The following MTMR3 variants were observed in gnomAD, a reference collection of about 807,000 sequenced individuals.
MTMR3 encodes phosphatidylinositol-3,5-bisphosphate 3-phosphatase MTMR3.
MTMR3 carries 32 observed loss-of-function variants against 132.4 expected under a neutral mutation model. That is an observed-to-expected ratio of 0.24 (90% CI 0.18 to 0.32). The LOEUF (loss-of-function observed/expected upper bound fraction) is 0.32. Among genes scored for constraint, MTMR3 ranks in the 10% least tolerant of loss-of-function variants. The pLI, the probability that MTMR3 is intolerant of heterozygous loss-of-function variation, is 1.00. For missense variants in MTMR3, 1,216 were observed against 1,489.6 expected (o/e 0.82, Z 3.02); for synonymous variants, 556 against 550.3 (o/e 1.01, Z -0.14).
Position 29,884,812 on chromosome 22 carries a change from C to T in MTMR3, c.-138+1453C>T, listed in dbSNP as rs10222284. On this transcript the variant is annotated intron_variant, in intron 1 of 19. Coordinates refer to ENST00000401950, the MANE Select transcript of MTMR3 (RefSeq NM_021090.4). ...CTCTTGACCTCAAGTGATCCGCTTG[C>T]GTTGGCCTTCGAAAGTGTTGGGATT... Among the ~76,000 whole-genome samples, 1,047 of 152,250 alleles carry T rather than the reference C, an allele frequency of 6.9e-3. 12 individuals are homozygous for T. Among genetic ancestry groups the T allele is most frequent in the African/African-American group, 0.023 (975 of 41,546 alleles).
intron 1 of MTMR3, among the ~76,000 whole-genome samples, chr22:29,929,993 A>C (rs2065609309): frequency 1.3e-5 from 2 of 152,166 alleles, no homozygotes; most frequent in Non-Finnish European, 2.9e-5. Flanking sequence ...GACAGCACAT[A>C]GATTGGGTTC....
chr22:29,920,030 A>G (rs1025215269), intron 1 of MTMR3, among the ~76,000 whole-genome samples: 7 of 152,042 alleles, frequency 4.6e-5, no homozygotes, highest in African/African-American at 1.2e-4. Context: ...CCTGGCCAAC[A>G]TGGTGAAACC....
intron 1 of MTMR3, among the ~76,000 whole-genome samples, chr22:29,955,671 A>T (rs947395284): frequency 6.6e-6 from 1 of 152,236 alleles, no homozygotes; most frequent in Admixed American, 6.5e-5. Flanking sequence ...TATGTTTAAA[A>T]TGGTTAAGAC....
chr22:29,898,228 A>G (rs1035950400), intron 1 of MTMR3, among the ~76,000 whole-genome samples: 2 of 152,308 alleles, frequency 1.3e-5, no homozygotes, highest in East Asian at 1.9e-4. Context: ...GTTGTTTTCA[A>G]CAAATATACA....
At chr22:29,943,465 C>T (rs571553126) in intron 1 of MTMR3, among the ~76,000 whole-genome samples, 1 of 152,168 alleles carries the variant, frequency 6.6e-6, no homozygotes, top group East Asian at 1.9e-4. Context: ...GCTGGGATTA[C>T]AGGCGTGAGC....
chr22:29,901,012 A>G (rs2145725706), intron 1 of MTMR3, among the ~76,000 whole-genome samples: 1 of 152,222 alleles, frequency 6.6e-6, no homozygotes, highest in East Asian at 1.9e-4. Context: ...TTTTTGTTAT[A>G]CTGCCTAGTT....
rs12159011 is a variant in MTMR3, at chr22:29,906,334, G to A, written c.-138+22975G>A. Among the ~76,000 whole-genome samples the A allele has an allele frequency of 3.7e-3, 448 of 119,960 alleles. 5 individuals are homozygous for A. Among genetic ancestry groups the A allele is most frequent in the African/African-American group, 0.02 (391 of 20,026 alleles). The allele number at this position is 119,960 out of a possible 152,430, so 78.7% of individuals were successfully genotyped here. Reference sequence around the variant, plus strand: ...TATCTATCTATCTATCTATCTATCTGTCTATCTATCTATCTATGACGGAGT... The same window carrying A: ...TATCTATCTATCTATCTATCTATCTATCTATCTATCTATCTATGACGGAGT... On this transcript the variant is annotated intron_variant, in intron 1 of 19. Transcript: ENST00000401950.
chr22:29,883,849 G>A (rs1442830417), intron 1 of MTMR3, among the ~76,000 whole-genome samples: 1 of 152,202 alleles, frequency 6.6e-6, no homozygotes, highest in East Asian at 1.9e-4. Flanking sequence ...CTTGTGGAAA[G>A]GAGGAGTGAC....
chr22:29,954,765 C>T (rs1167285022), intron 1 of MTMR3, among the ~76,000 whole-genome samples: 2 of 152,194 alleles, frequency 1.3e-5, no homozygotes, highest in Non-Finnish European at 2.9e-5. Context: ...TGCCCTTCGA[C>T]TTGACCTGTC....
chr22:29,938,036 T>C (rs1239507335), intron 1 of MTMR3, among the ~76,000 whole-genome samples: 2 of 152,070 alleles, frequency 1.3e-5, no homozygotes, highest in Middle Eastern at 3.4e-3. Flanking sequence ...AAAACCAGAG[T>C]GTGGGCCAAG....
chr22:29,949,508 C>A (rs1020932033), intron 1 of MTMR3, among the ~76,000 whole-genome samples: 1 of 143,496 alleles, frequency 7.0e-6, no homozygotes, highest in Non-Finnish European at 1.5e-5. Flanking sequence ...GCGCCCCCCC[C>A]CAAAAAAAAA....
intron 1 of MTMR3, among the ~76,000 whole-genome samples, chr22:29,905,393 A>T (rs2065075448): frequency 6.6e-6 from 1 of 152,188 alleles, no homozygotes; most frequent in Non-Finnish European, 1.5e-5. Flanking sequence ...TGTAAATAAA[A>T]GGGTGGTCCC....
intron 2 of MTMR3, among the ~76,000 whole-genome samples, chr22:29,967,398 A>AT (rs111456917): frequency 0.013 from 1,779 of 141,868 alleles, 18 homozygotes; most frequent in African/African-American, 0.035. Flanking sequence ...CAACCACCTA[A>AT]TTTTTTTTTT....
chr22:29,973,424 C>A (rs371954943), intron 3 of MTMR3, among the ~76,000 whole-genome samples: 3 of 152,050 alleles, frequency 2.0e-5, no homozygotes, highest in African/African-American at 7.2e-5. Flanking sequence ...GGCAATAATC[C>A]CAAGCATTTT....
At chr22:29,911,493 T>A (rs1418354981) in intron 1 of MTMR3, among the ~76,000 whole-genome samples, 1 of 151,988 alleles carries the variant, frequency 6.6e-6, no homozygotes, top group Non-Finnish European at 1.5e-5. Context: ...CAGTGAGCCA[T>A]GATCACGATA....
chr22:29,975,511 T>C (rs1602604894), intron 3 of MTMR3, among the ~76,000 whole-genome samples: 1 of 152,210 alleles, frequency 6.6e-6, no homozygotes, highest in South Asian at 2.1e-4. Context: ...GATACGTGGT[T>C]AGAAAAGTAG....
At chr22:29,964,960 G>A (rs2066386261) in intron 2 of MTMR3, among the ~76,000 whole-genome samples, 1 of 151,892 alleles carries the variant, frequency 6.6e-6, no homozygotes. Flanking sequence ...CCTCCTTTTA[G>A]TTCTTCAAAA....
At chr22:29,887,716 G>A (rs956564687) in intron 1 of MTMR3, among the ~76,000 whole-genome samples, 2 of 152,224 alleles carry the variant, frequency 1.3e-5, no homozygotes, top group African/African-American at 2.4e-5. Context: ...AGTGGTAGAA[G>A]GTGGTAGGAG....
At chr22:29,949,492 T>A (rs1323595269) in intron 1 of MTMR3, among the ~76,000 whole-genome samples, 7 of 101,244 alleles carry the variant, frequency 6.9e-5, no homozygotes, top group Non-Finnish European at 1.3e-4. Context: ...TAAGACTCTG[T>A]CCCCCGCGCC....
Sources: allele counts gnomAD v4.1 joint callset (sites outside exome capture counted in the v4.1 genomes callset), GRCh38; gene constraint gnomAD v4.1.1; transcripts MANE v1.5; gene names NCBI Gene and HGNC (gene_info 2026-07-23, HGNC 2026-07-21).